The following FHOD3 variants were observed in gnomAD, a reference collection of about 807,000 sequenced individuals.
The protein encoded by FHOD3 is formin homology 2 domain containing 3, also known as FH1/FH2 domain-containing protein 3.
In FHOD3, 90 loss-of-function variants were observed where a neutral mutation model predicts 173.0. That is an observed-to-expected ratio of 0.52 (90% CI 0.44 to 0.62). The LOEUF is 0.62. Among genes scored for constraint, FHOD3 ranks in the 20% least tolerant of loss-of-function variants. The pLI is 0.00. For synonymous variants in FHOD3, 828 were observed against 823.0 expected, an observed-to-expected ratio of 1.01 and a Z score of -0.10; for missense variants, 1,945 against 2,034.7, an observed-to-expected ratio of 0.96 and a Z score of 0.85.
chr18:36,747,197 G>A (rs963563247), intron 24 of FHOD3, 62 bp downstream of exon 24: 1 of 1,344,256 alleles, frequency 7.4e-7, no homozygotes, highest in African/African-American at 1.5e-5. Flanking sequence ...AATTTGTACT[G>A]GAAATTAAGA....
intron 14 of FHOD3, among the ~76,000 whole-genome samples, chr18:36,675,679 T>C (rs748351148): frequency 7.2e-5 from 11 of 152,164 alleles, no homozygotes; most frequent in Non-Finnish European, 1.5e-4. Flanking sequence ...CCTTAGAGAA[T>C]AGGCTGGGGG....
chr18:36,724,374 G>C (rs890288786), intron 19 of FHOD3, among the ~76,000 whole-genome samples: 5 of 152,226 alleles, frequency 3.3e-5, no homozygotes, highest in African/African-American at 1.2e-4. Context: ...GTTCTAGAAA[G>C]CGGACTCCCA....
intron 3 of FHOD3, among the ~76,000 whole-genome samples, chr18:36,401,674 T>G (rs78558691): frequency 0.12 from 17,585 of 152,182 alleles, 1,577 homozygotes; most frequent in East Asian, 0.48. Flanking sequence ...CATTCTATGC[T>G]CTCTGGGCTT....
intron 3 of FHOD3, among the ~76,000 whole-genome samples, chr18:36,467,397 C>T (rs146787949): frequency 8.6e-4 from 131 of 152,244 alleles, no homozygotes; most frequent in Middle Eastern, 3.4e-3. Context: ...TGAGGGAGAG[C>T]GAACCATCCA....
chr18:36,402,256 A>G (rs1443349612), intron 3 of FHOD3, among the ~76,000 whole-genome samples: 1 of 152,118 alleles, frequency 6.6e-6, no homozygotes, highest in East Asian at 1.9e-4. Flanking sequence ...TTCTTTTCAC[A>G]TGGCAGCAAA....
At chr18:36,389,327 C>G (rs1212903042) in intron 3 of FHOD3, among the ~76,000 whole-genome samples, 2 of 152,228 alleles carry the variant, frequency 1.3e-5, no homozygotes, top group Non-Finnish European at 2.9e-5. Flanking sequence ...ATTCCTCCCA[C>G]CCCGCCATTG....
chr18:36,555,947 C>A (rs1333587469), intron 5 of FHOD3, among the ~76,000 whole-genome samples: 1 of 151,994 alleles, frequency 6.6e-6, no homozygotes, highest in Non-Finnish European at 1.5e-5. Flanking sequence ...ATGAAAAGAT[C>A]ATTTCTGTAG....
intron 27 of FHOD3, among the ~76,000 whole-genome samples, chr18:36,764,368 A>C (rs2043050354): frequency 6.6e-6 from 1 of 152,216 alleles, no homozygotes. Context: ...TGTGGCACCC[A>C]AAAAGGCCTA....
intron 23 of FHOD3, among the ~76,000 whole-genome samples, chr18:36,744,563 C>T (rs2042059665): frequency 6.6e-6 from 1 of 152,220 alleles, no homozygotes; most frequent in Admixed American, 6.5e-5. Flanking sequence ...TTTGGCTCTT[C>T]CTGAGATGTC....
intron 11 of FHOD3, among the ~76,000 whole-genome samples, chr18:36,651,063 C>G: frequency 6.6e-6 from 1 of 152,112 alleles, no homozygotes; most frequent in East Asian, 1.9e-4. Context: ...CTTCTGAGAC[C>G]GTAAAGGATT....
In FHOD3 at chr18:36,369,494, C is replaced by CAT. The variant is rs1298278868; in HGVS notation, c.273-3185_273-3184insTA. On this transcript the variant is annotated intron_variant, in intron 2 of 28. Coordinates refer to ENST00000590592, the MANE Select transcript of FHOD3 (RefSeq NM_001281740.3). ...ACACACACACACACACACACACACA[C>CAT]ACACATATATATAGAGAGAGAGAGA... 1.5e-3 allele frequency among the ~76,000 whole-genome samples: 174 copies of CAT among 112,976 alleles called. 1 individual carries two copies. Among genetic ancestry groups the CAT allele is most frequent in the South Asian group, 8.8e-3 (28 of 3,178 alleles). 74.1% of individuals were successfully genotyped at this position (112,976 alleles called of 152,430 possible).
intron 9 of FHOD3, among the ~76,000 whole-genome samples, chr18:36,620,422 C>T (rs947058230): frequency 2.0e-5 from 3 of 152,194 alleles, no homozygotes; most frequent in Non-Finnish European, 4.4e-5. Flanking sequence ...ATGGAAGGGG[C>T]TCCTTCTGTT....
intron 17 of FHOD3, among the ~76,000 whole-genome samples, chr18:36,693,959 C>T (rs541541033): frequency 5.3e-5 from 8 of 152,204 alleles, no homozygotes; most frequent in South Asian, 4.2e-4. Flanking sequence ...TGTGTGTGTA[C>T]GTCCTTATGT....
At chr18:36,322,507 G>A (rs1264867495) in intron 1 of FHOD3, among the ~76,000 whole-genome samples, 1 of 152,092 alleles carries the variant, frequency 6.6e-6, no homozygotes, top group African/African-American at 2.4e-5. Context: ...CAATCCTGGA[G>A]CCTGTGGACC....
At chr18:36,364,444 G>T (rs930427026) in intron 2 of FHOD3, among the ~76,000 whole-genome samples, 10 of 152,108 alleles carry the variant, frequency 6.6e-5, no homozygotes, top group African/African-American at 2.4e-4. Context: ...TATGATTTTG[G>T]CCAGACGCTC....
At chr18:36,474,189 G>A (rs2053434174) in intron 3 of FHOD3, among the ~76,000 whole-genome samples, 1 of 152,172 alleles carries the variant, frequency 6.6e-6, no homozygotes, top group African/African-American at 2.4e-5. Context: ...TTGATTTGGG[G>A]TTGATGTTAC....
At chr18:36,643,173 A>T (rs1015499967) in intron 10 of FHOD3, among the ~76,000 whole-genome samples, 1 of 151,996 alleles carries the variant, frequency 6.6e-6, no homozygotes, top group Non-Finnish European at 1.5e-5. Context: ...GCTTTTGACA[A>T]TTACAGATAG....
rs1234658334 is a variant in FHOD3 at position 36,622,272 on chromosome 18, C to T, written c.958-3239C>T. On this transcript the variant is annotated intron_variant, in intron 9 of 28. Transcript: ENST00000590592. ...AGATATGTGCTATACCACATCGTCC[C>T]TCTAGTTAACAATAATGTATCGTAC... Among the ~76,000 whole-genome samples the T allele has an allele frequency of 2.0e-5, 3 of 152,114 alleles. No homozygotes were observed. In the East Asian group the frequency reaches 5.8e-4, roughly 29 times the overall value.
chr18:36,649,303 G>A lies in FHOD3; in HGVS notation c.1197-13G>A. 1 of 1,533,580 alleles carries A rather than the reference G, an allele frequency of 6.5e-7. No individual in the cohort carries two copies. Among genetic ancestry groups the A allele is most frequent in the Non-Finnish European group, 8.7e-7 (1 of 1,145,336 alleles). 95.0% of individuals were successfully genotyped at this position (1,533,580 alleles called of 1,614,324 possible). A position where few individuals can be genotyped will look rare whatever the true frequency, so the allele number is the denominator to read the frequency against. On this transcript the variant is annotated splice_polypyrimidine_tract_variant and intron_variant, in intron 10 of 28. Transcript: ENST00000590592. ...TGTCTGTGTGCATTTCTCTTTTCCT[G>A]GCTTTGTCTCAGGGAGGAGGAGGAG...
Sources: allele counts gnomAD v4.1 joint callset (sites outside exome capture counted in the v4.1 genomes callset), GRCh38; gene constraint gnomAD v4.1.1; transcripts MANE v1.5; gene names NCBI Gene and HGNC (gene_info 2026-07-23, HGNC 2026-07-21).